Variants in PTPRM observed in about 807,000 individuals in gnomAD.
The protein encoded by PTPRM is protein tyrosine phosphatase receptor type M.
In PTPRM, 47 loss-of-function variants were observed where a neutral mutation model predicts 186.7. That is an observed-to-expected ratio of 0.25 (90% CI 0.20 to 0.32). The LOEUF is 0.32. PTPRM is among the 10% of genes least tolerant of loss of function. The pLI is 1.00. For missense variants in PTPRM, 1,494 were observed against 1,865.0 expected (o/e 0.80, Z 3.66); for synonymous variants, 668 against 674.9 (o/e 0.99, Z 0.16).
chr18:7,882,058 A>G (rs114941338), intron 2 of PTPRM, among the ~76,000 whole-genome samples: 2,621 of 152,256 alleles, frequency 0.017, 81 homozygotes, highest in African/African-American at 0.059. Flanking sequence ...ACTCTTTGCT[A>G]TAACTTTAAG....
At chr18:7,679,621 C>T (rs186894183) in intron 1 of PTPRM, among the ~76,000 whole-genome samples, 10 of 152,166 alleles carry the variant, frequency 6.6e-5, no homozygotes, top group East Asian at 3.9e-4. Context: ...GCTGAGATCG[C>T]GACACTGCAG....
chr18:7,604,738 A>G (rs1320996459), intron 1 of PTPRM, among the ~76,000 whole-genome samples: 1 of 152,220 alleles, frequency 6.6e-6, no homozygotes, highest in Non-Finnish European at 1.5e-5. Flanking sequence ...GGTTTCTGAA[A>G]GATGTCTGGG....
Position 8,387,086 on chromosome 18 carries a change from T to A in PTPRM, c.4059T>A (p.Tyr1353Ter). Residue 1353 changes from tyrosine (Y) to a stop codon, truncating the protein, a stop_gained, in exon 31 of 33, where the codon TAT (tyrosine) becomes TAA (stop). Transcript: ENST00000580170. LOFTEE classifies it high-confidence loss of function. ...GTTCTTCGTAGCCCCAAGATGGATATCGGATGGTGCAGCAATTCCAGTTCC... is the reference window on the plus strand; with the variant it reads ...GTTCTTCGTAGCCCCAAGATGGATAACGGATGGTGCAGCAATTCCAGTTCC... Reference protein sequence around the residue: ...IYNAARPQDGYRMVQQFQFLG... With the variant: ...IYNAARPQDG 1 of 1,607,906 alleles carries A rather than the reference T, an allele frequency of 6.2e-7. No individual in the cohort carries two copies.
intron 2 of PTPRM, among the ~76,000 whole-genome samples, chr18:7,813,380 C>G (rs1002857812): frequency 6.6e-6 from 1 of 152,208 alleles, no homozygotes; most frequent in East Asian, 1.9e-4. Flanking sequence ...GACTATTTCT[C>G]AAAGACAGAG....
At chr18:8,003,740 A>G (rs1320493747) in intron 7 of PTPRM, among the ~76,000 whole-genome samples, 1 of 152,216 alleles carries the variant, frequency 6.6e-6, no homozygotes, top group Non-Finnish European at 1.5e-5. Context: ...GCATCTGTAT[A>G]ATTGCATCAT....
At chr18:7,888,614 A>G (rs1461532643) in intron 3 of PTPRM, among the ~76,000 whole-genome samples, 1 of 152,184 alleles carries the variant, frequency 6.6e-6, no homozygotes, top group Non-Finnish European at 1.5e-5. Context: ...CAACCCAGCA[A>G]TCCCATTACT....
intron 1 of PTPRM, among the ~76,000 whole-genome samples, chr18:7,738,558 C>T (rs2040820746): frequency 6.6e-6 from 1 of 151,902 alleles, no homozygotes; most frequent in African/African-American, 2.4e-5. Flanking sequence ...GCCTCAGCCT[C>T]CCGAGTAGCT....
intron 2 of PTPRM, among the ~76,000 whole-genome samples, chr18:7,842,945 T>TAG (rs1230883241): frequency 5.2e-4 from 60 of 115,130 alleles, no homozygotes; most frequent in African/African-American, 1.3e-3. Context: ...TATATATATA[T>TAG]ATAGAGAGAG....
intron 7 of PTPRM, among the ~76,000 whole-genome samples, chr18:7,979,860 C>A (rs1221173047): frequency 6.6e-6 from 1 of 152,178 alleles, no homozygotes; most frequent in Non-Finnish European, 1.5e-5. Flanking sequence ...GACACACTTC[C>A]TCTTTCTGCC....
intron 14 of PTPRM, among the ~76,000 whole-genome samples, chr18:8,149,332 C>T (rs1342379806): frequency 2.6e-5 from 4 of 152,146 alleles, no homozygotes; most frequent in Non-Finnish European, 4.4e-5. Context: ...AATCTGGGTG[C>T]TCCTGTGTTG....
intron 14 of PTPRM, among the ~76,000 whole-genome samples, chr18:8,214,135 G>A (rs1267176077): frequency 1.3e-5 from 2 of 152,200 alleles, no homozygotes; most frequent in Admixed American, 1.3e-4. Context: ...AGTGAGACAT[G>A]AAAAACTGCC....
intron 1 of PTPRM, among the ~76,000 whole-genome samples, chr18:7,763,027 G>T (rs1318529835): frequency 6.6e-6 from 1 of 152,106 alleles, no homozygotes; most frequent in Non-Finnish European, 1.5e-5. Context: ...CATTCTCAGG[G>T]ACTTGCTCAT....
rs758762078 is a variant in PTPRM, at chr18:8,076,444, C to T, written c.1442-11C>T. On this transcript the variant is annotated splice_polypyrimidine_tract_variant and intron_variant, in intron 8 of 32. Transcript: ENST00000580170. Reference sequence around the variant, plus strand: ...TTACTTAAACATTTATTTCCTCCCACCCTCCTTTAGTCCCAGGTGCTGTTC... The same window carrying T: ...TTACTTAAACATTTATTTCCTCCCATCCTCCTTTAGTCCCAGGTGCTGTTC... 2.7e-6 allele frequency: 4 copies of T among 1,474,158 alleles called. No homozygotes were observed. Among genetic ancestry groups the T allele is most frequent in the Non-Finnish European group, 2.8e-6 (3 of 1,058,442 alleles). The allele number at this position is 1,474,158 out of a possible 1,614,324, so 91.3% of individuals were successfully genotyped here. A position where few individuals can be genotyped will look rare whatever the true frequency, so the allele number is the denominator to read the frequency against.
At chr18:8,021,788 G>A (rs1258507414) in intron 7 of PTPRM, among the ~76,000 whole-genome samples, 1 of 152,018 alleles carries the variant, frequency 6.6e-6, no homozygotes, top group East Asian at 1.9e-4. Flanking sequence ...TCACTGTGTT[G>A]CCTAGGCTGG....
At chr18:7,979,501 G>A (rs1042256657) in intron 7 of PTPRM, among the ~76,000 whole-genome samples, 1 of 152,134 alleles carries the variant, frequency 6.6e-6, no homozygotes. Flanking sequence ...AATGGTTAAC[G>A]TGTTACATGA....
At chr18:8,073,813 A>G (rs2148467009) in intron 8 of PTPRM, among the ~76,000 whole-genome samples, 1 of 152,214 alleles carries the variant, frequency 6.6e-6, no homozygotes, top group East Asian at 1.9e-4. Context: ...GGTTGAGGTG[A>G]GAGATCACTT....
intron 22 of PTPRM, among the ~76,000 whole-genome samples, chr18:8,331,325 A>G (rs2095411139): frequency 6.6e-6 from 1 of 152,246 alleles, no homozygotes; most frequent in Non-Finnish European, 1.5e-5. Context: ...GGTTTTACCC[A>G]TAGATATCTC....
chr18:8,080,179 G>T (rs1418853020), intron 9 of PTPRM, among the ~76,000 whole-genome samples: 4 of 151,888 alleles, frequency 2.6e-5, no homozygotes, highest in Non-Finnish European at 4.4e-5. Flanking sequence ...TTTTTTGTAG[G>T]CAATTAGGGA....
intron 14 of PTPRM, among the ~76,000 whole-genome samples, chr18:8,219,982 G>A (rs1041954934): frequency 2.0e-5 from 3 of 152,082 alleles, no homozygotes; most frequent in Non-Finnish European, 4.4e-5. Context: ...AAAAGGGGGC[G>A]CTATAACGAG....
Sources: allele counts gnomAD v4.1 joint callset (sites outside exome capture counted in the v4.1 genomes callset), GRCh38; gene constraint gnomAD v4.1.1; transcripts MANE v1.5; gene names NCBI Gene and HGNC (gene_info 2026-07-23, HGNC 2026-07-21).